The following PTPRJ variants were observed in gnomAD, a reference collection of about 807,000 sequenced individuals.
The protein encoded by PTPRJ is receptor-type tyrosine-protein phosphatase eta.
PTPRJ carries 129 observed loss-of-function variants against 141.3 expected under a neutral mutation model. That is an observed-to-expected ratio of 0.91 (90% CI 0.79 to 1.06). PTPRJ has a LOEUF of 1.06. PTPRJ is among the 50% of genes least tolerant of loss of function. The pLI is 0.00. For missense variants in PTPRJ, 1,601 were observed against 1,679.7 expected (o/e 0.95, Z 0.82); for synonymous variants, 610 against 640.5 (o/e 0.95, Z 0.72).
chr11:48,124,233 C>T (rs1285481718), intron 5 of PTPRJ, among the ~76,000 whole-genome samples: 2 of 152,170 alleles, frequency 1.3e-5, no homozygotes, highest in Admixed American at 1.3e-4. Flanking sequence ...TTGCAGGTTT[C>T]ATAGCATTTG....
chr11:48,052,231 G>A (rs965094412), intron 1 of PTPRJ, among the ~76,000 whole-genome samples: 1 of 152,230 alleles, frequency 6.6e-6, no homozygotes, highest in Non-Finnish European at 1.5e-5. Flanking sequence ...GTGTATGTTT[G>A]GTCTGTGAAC....
chr11:48,017,250 T>G (rs1854975583), intron 1 of PTPRJ, among the ~76,000 whole-genome samples: 1 of 152,140 alleles, frequency 6.6e-6, no homozygotes, highest in Non-Finnish European at 1.5e-5. Flanking sequence ...ATGACATCTG[T>G]GCACATCATT....
intron 1 of PTPRJ, among the ~76,000 whole-genome samples, chr11:47,986,468 G>C (rs1854052974): frequency 6.6e-6 from 1 of 152,212 alleles, no homozygotes. Flanking sequence ...TGTGGCTGCT[G>C]CTGTTACTTG....
At chr11:48,164,142 G>A (rs1322495736) in intron 23 of PTPRJ, among the ~76,000 whole-genome samples, 1 of 152,198 alleles carries the variant, frequency 6.6e-6, no homozygotes, top group African/African-American at 2.4e-5. Flanking sequence ...AGAAGCTTGA[G>A]CAAAGGGTTA....
intron 1 of PTPRJ, among the ~76,000 whole-genome samples, chr11:48,066,490 C>G (rs1020842211): frequency 2.0e-5 from 3 of 151,900 alleles, no homozygotes; most frequent in African/African-American, 7.2e-5. Context: ...CAGATCTCCC[C>G]TCTCCACTGT....
chr11:48,110,952 C>T (rs1856421968), intron 2 of PTPRJ, among the ~76,000 whole-genome samples: 1 of 152,166 alleles, frequency 6.6e-6, no homozygotes, highest in African/African-American at 2.4e-5. Context: ...GGATTATGTC[C>T]TTACTAATTT....
chr11:48,021,815 C>CT (rs139970995), intron 1 of PTPRJ, among the ~76,000 whole-genome samples: 2,294 of 152,234 alleles, frequency 0.015, 63 homozygotes, highest in African/African-American at 0.052. Context: ...TTGGACTTTG[C>CT]TTTGCCTTTT....
intron 1 of PTPRJ, among the ~76,000 whole-genome samples, chr11:48,106,533 C>A (rs898501636): frequency 2.0e-5 from 3 of 151,968 alleles, no homozygotes; most frequent in Admixed American, 6.6e-5. Context: ...GAGGGAAGAA[C>A]CAGAAGTTAT....
chr11:48,156,253 TTCTG>T, intron 21 of PTPRJ, 134 bp downstream of exon 21: 1 of 729,320 alleles, frequency 1.4e-6, no homozygotes, highest in Non-Finnish European at 2.1e-6. Context: ...TAAACTTGTT[TTCTG>T]TCTTTTTTTC....
Position 48,096,910 on chromosome 11 carries a change from C to A in PTPRJ, c.97-13148C>A, listed in dbSNP as rs771692901. On this transcript the variant is annotated intron_variant, in intron 1 of 24. Coordinates refer to ENST00000418331, the MANE Select transcript of PTPRJ (RefSeq NM_002843.4). ...AGAACTACTCCTTTGTGATTTCTTG[C>A]CATTGAAATTTTTTCTCACCTTCTT... The A allele has an allele frequency of 1.1e-3, 165 of 154,712 alleles. 3 individuals carry two copies. Among genetic ancestry groups the A allele is most frequent in the Middle Eastern group, 3.1e-3 (6 of 1,948 alleles). The allele number at this position is 154,712 out of a possible 1,614,324, so 9.6% of individuals were successfully genotyped here. A position where few individuals can be genotyped will look rare whatever the true frequency, so the allele number is the denominator to read the frequency against.
chr11:48,031,845 T>C (rs2134225444), intron 1 of PTPRJ, among the ~76,000 whole-genome samples: 1 of 152,328 alleles, frequency 6.6e-6, no homozygotes, highest in Non-Finnish European at 1.5e-5. Flanking sequence ...TTATTTTACT[T>C]AGTAAGTTCC....
At position 48,121,305 on chromosome 11, in the gene PTPRJ, T is replaced by A; in HGVS notation, c.616+39T>A. The A allele has an allele frequency of 2.5e-6, 4 of 1,602,214 alleles. No homozygotes were observed. In the South Asian group the frequency reaches 4.4e-5, roughly 18 times the overall value. On this transcript the variant is annotated intron_variant, in intron 4 of 24. Transcript: ENST00000418331. ...CTCCCAGGGATGATGACAAACCATT[T>A]CTTATTATGGTGTATTCTAGGGCCT...
intron 1 of PTPRJ, among the ~76,000 whole-genome samples, chr11:48,057,166 C>T (rs1424505963): frequency 6.6e-6 from 1 of 152,132 alleles, no homozygotes; most frequent in African/African-American, 2.4e-5. Flanking sequence ...ACAGACCGCC[C>T]CCCATTGCCT....
At chr11:48,075,239 G>A (rs1248754494) in intron 1 of PTPRJ, among the ~76,000 whole-genome samples, 1 of 152,074 alleles carries the variant, frequency 6.6e-6, no homozygotes, top group Non-Finnish European at 1.5e-5. Context: ...TGCCTCCTGG[G>A]TTCAGGTGAT....
intron 2 of PTPRJ, among the ~76,000 whole-genome samples, chr11:48,111,787 C>G (rs1033697960): frequency 2.0e-5 from 3 of 152,022 alleles, no homozygotes; most frequent in African/African-American, 7.3e-5. Context: ...GCCAGGGCTG[C>G]TGTAATAAGA....
chr11:48,145,263 A>T (rs1857323639), intron 14 of PTPRJ, 139 bp downstream of exon 14: 2 of 1,232,114 alleles, frequency 1.6e-6, no homozygotes, highest in African/African-American at 3.0e-5. Flanking sequence ...AGAGGTTGAG[A>T]TGTCACTGGG....
In PTPRJ at chr11:48,143,136, A is replaced by T. The variant is rs993879743; in HGVS notation, c.2575+86A>T. On this transcript the variant is annotated intron_variant, in intron 12 of 24. Transcript: ENST00000418331. ...CTGTGCCCACTGAGGCATGTGAGTA[A>T]TGCAGACACACGCCTGTCTTCTCAC... The T allele has an allele frequency of 3.3e-6, 5 of 1,507,756 alleles. No homozygotes were observed. The South Asian group carries it at 6.1e-5, about 18-fold the overall frequency. 93.4% of individuals were successfully genotyped at this position (1,507,756 alleles called of 1,614,324 possible). A position where few individuals can be genotyped will look rare whatever the true frequency, so the allele number is the denominator to read the frequency against.
intron 1 of PTPRJ, among the ~76,000 whole-genome samples, chr11:47,999,986 A>G (rs1417379413): frequency 1.3e-5 from 2 of 150,984 alleles, no homozygotes; most frequent in African/African-American, 4.9e-5. Flanking sequence ...CCTCCTGAGT[A>G]TCTGGGAGTA....
chr11:48,139,341 T>G (rs1857177976), intron 10 of PTPRJ, 145 bp from the exon 11 acceptor site: 2 of 767,962 alleles, frequency 2.6e-6, no homozygotes, highest in Admixed American at 5.2e-5. Flanking sequence ...CACAGTTTGG[T>G]GTTGCCCAAT....
Sources: gnomAD v4.1 joint callset for allele counts (sites outside exome capture counted in the v4.1 genomes callset) on GRCh38, gnomAD v4.1.1 for gene constraint, MANE v1.5 for transcripts, NCBI Gene and HGNC (gene_info 2026-07-23, HGNC 2026-07-21) for gene names.